The following JAZF1 variants were observed in gnomAD, a reference collection of about 807,000 sequenced individuals.
The protein encoded by JAZF1 is juxtaposed with another zinc finger protein 1.
JAZF1 carries 8 observed loss-of-function variants against 26.4 expected under a neutral mutation model. The ratio of observed to expected loss-of-function variants is 0.30; its 90% CI spans 0.18 to 0.55. JAZF1 has a LOEUF of 0.55. Ranked by LOEUF, JAZF1 falls within the 20% of genes least tolerant of loss-of-function variation. The pLI is 0.94. For synonymous variants in JAZF1, 126 were observed against 122.3 expected, an observed-to-expected ratio of 1.03 and a Z score of -0.20; for missense variants, 199 against 322.0, an observed-to-expected ratio of 0.62 and a Z score of 2.92.
At chr7:27,903,933 A>T (rs998620082) in intron 2 of JAZF1, among the ~76,000 whole-genome samples, 2 of 152,178 alleles carry the variant, frequency 1.3e-5, no homozygotes, top group African/African-American at 4.8e-5. Flanking sequence ...TTCAGCAAAA[A>T]CAAGCTTTTG....
rs896145726 is a variant in JAZF1 at position 28,007,367 on chromosome 7, G to A, written c.116-15386C>T. ...GAGGATCACCTGAGGTAGGGAGTTC[G>A]AGATCAATCCGACCAACATGGTGAA... On this transcript the variant is annotated intron_variant, in intron 1 of 4. Transcript: ENST00000283928. Among the ~76,000 whole-genome samples the A allele has an allele frequency of 5.3e-5, 8 of 152,208 alleles. No homozygotes were observed. In the East Asian group the frequency reaches 9.6e-4, roughly 18 times the overall value.
intron 1 of JAZF1, among the ~76,000 whole-genome samples, chr7:28,140,227 C>T (rs1052456318): frequency 5.3e-5 from 8 of 151,858 alleles, no homozygotes; most frequent in African/African-American, 1.7e-4. Context: ...GGATTACAGG[C>T]GCCCACTACC....
At chr7:28,020,591 A>G in intron 1 of JAZF1, 1 of 471,236 alleles carries the variant, frequency 2.1e-6, no homozygotes, top group South Asian at 1.5e-5. Context: ...TATTCGTACA[A>G]CAACCATGTC....
rs1308612148 is a variant in JAZF1, at chr7:28,093,329, C to A, written c.115+87134G>T. On this transcript the variant is annotated intron_variant, in intron 1 of 4. Transcript: ENST00000283928. ...TTTATAAGGGGTTTCCCTCACTCGA[C>A]GCATTCTCTCTTGTCTGCTGCCATG... Among the ~76,000 whole-genome samples the A allele has an allele frequency of 3.3e-5, 5 of 152,152 alleles. No individual in the cohort carries two copies. The South Asian group carries it at 1.0e-3, about 31-fold the overall frequency.
intron 1 of JAZF1, among the ~76,000 whole-genome samples, chr7:28,165,335 AC>A (rs1783351751): frequency 6.6e-6 from 1 of 152,238 alleles, no homozygotes; most frequent in Non-Finnish European, 1.5e-5. Context: ...GAATTAAAAA[AC>A]AAGCAAACTA....
intron 2 of JAZF1, among the ~76,000 whole-genome samples, chr7:27,906,657 TTTCCGTCA>T (rs1283103422): frequency 2.6e-5 from 4 of 152,228 alleles, no homozygotes; most frequent in Admixed American, 2.6e-4. Context: ...ACCATGGTCT[TTTCCGTCA>T]TTGATGCCAA....
chr7:27,899,433 G>A (rs1373341716), intron 2 of JAZF1, among the ~76,000 whole-genome samples: 2 of 152,090 alleles, frequency 1.3e-5, no homozygotes, highest in Admixed American at 6.6e-5. Context: ...CAGTAATCAC[G>A]GCTGATGTGG....
intron 1 of JAZF1, among the ~76,000 whole-genome samples, chr7:28,084,895 C>T (rs1303602534): frequency 6.6e-6 from 1 of 152,152 alleles, no homozygotes; most frequent in Non-Finnish European, 1.5e-5. Flanking sequence ...AATGGATTAA[C>T]ATTTATGGAT....
intron 3 of JAZF1, among the ~76,000 whole-genome samples, chr7:27,878,624 C>G (rs1783720328): frequency 6.6e-6 from 1 of 152,120 alleles, no homozygotes; most frequent in African/African-American, 2.4e-5. Flanking sequence ...GTTTTTCCTT[C>G]TTTGTTTTCT....
rs75684433 is a variant in JAZF1, at chr7:27,852,888, T to C, written c.386-12021A>G. Among the ~76,000 whole-genome samples the C allele has an allele frequency of 4.2e-4, 64 of 152,340 alleles. No individual in the cohort carries two copies. In the East Asian group the frequency reaches 6.2e-3, roughly 15 times the overall value. On this transcript the variant is annotated intron_variant, in intron 3 of 4. Transcript: ENST00000283928. ...GCTCAAATTACCACACCTTGGTCGATGGAAGCCCCATTAGGTGGCCTCCTG... is the reference window on the plus strand; with the variant it reads ...GCTCAAATTACCACACCTTGGTCGACGGAAGCCCCATTAGGTGGCCTCCTG...
At chr7:27,930,212 G>C (rs766555898) in intron 2 of JAZF1, among the ~76,000 whole-genome samples, 10 of 152,094 alleles carry the variant, frequency 6.6e-5, no homozygotes, top group African/African-American at 1.2e-4. Context: ...AGCCAGGATG[G>C]TCTCAATCTC....
chr7:28,125,344 A>G (rs1342714915), intron 1 of JAZF1, among the ~76,000 whole-genome samples: 2 of 152,182 alleles, frequency 1.3e-5, no homozygotes, highest in Non-Finnish European at 2.9e-5. Context: ...AATGTAGTAA[A>G]ACGATAATTT....
chr7:28,096,632 A>T (rs74775438), intron 1 of JAZF1, among the ~76,000 whole-genome samples: 2,723 of 152,318 alleles, frequency 0.018, 86 homozygotes, highest in African/African-American at 0.062. Flanking sequence ...TGTTCTGAAC[A>T]ATTTATCTTC....
At chr7:27,939,093 T>C (rs1442396459) in intron 2 of JAZF1, among the ~76,000 whole-genome samples, 1 of 152,196 alleles carries the variant, frequency 6.6e-6, no homozygotes, top group African/African-American at 2.4e-5. Context: ...AAACACCTTG[T>C]GTTGCAGAGC....
At chr7:27,870,075 A>ATTTTTTTTTTTTTT (rs371770357) in intron 3 of JAZF1, among the ~76,000 whole-genome samples, 11 of 120,644 alleles carry the variant, frequency 9.1e-5, no homozygotes, top group Non-Finnish European at 1.3e-4. Flanking sequence ...CACCCGGTTA[A>ATTTTTTTTTTTTTT]TTTTTTTTTT....
chr7:27,881,399 T>C (rs1037235304), intron 3 of JAZF1, among the ~76,000 whole-genome samples: 1 of 152,252 alleles, frequency 6.6e-6, no homozygotes, highest in African/African-American at 2.4e-5. Context: ...GCATAAATTA[T>C]ATATACTGGT....
At chr7:27,841,749 T>C (rs1782929668) in intron 3 of JAZF1, 1 of 152,204 alleles carries the variant, frequency 6.6e-6, no homozygotes, top group African/African-American at 2.4e-5. Flanking sequence ...GGCAGCCTCT[T>C]TTGCTCTTTT....
chr7:28,004,698 G>A (rs1459894461), intron 1 of JAZF1, among the ~76,000 whole-genome samples: 1 of 152,068 alleles, frequency 6.6e-6, no homozygotes, highest in Non-Finnish European at 1.5e-5. Flanking sequence ...TGTCCCTCAG[G>A]CTGGAATGCA....
At chr7:27,878,354 T>G (rs1391506734) in intron 3 of JAZF1, among the ~76,000 whole-genome samples, 1 of 146,934 alleles carries the variant, frequency 6.8e-6, no homozygotes, top group Non-Finnish European at 1.5e-5. Context: ...TATTTTACAT[T>G]ACAACTCAGA....
Sources: gnomAD v4.1 joint callset for allele counts (sites outside exome capture counted in the v4.1 genomes callset) on GRCh38, gnomAD v4.1.1 for gene constraint, MANE v1.5 for transcripts, NCBI Gene and HGNC (gene_info 2026-07-23, HGNC 2026-07-21) for gene names.